GAS7: variants seen among roughly 807,000 people sequenced by gnomAD.
The protein encoded by GAS7 is growth arrest-specific protein 7.
GAS7 carries 28 observed loss-of-function variants against 71.1 expected under a neutral mutation model. That is an observed-to-expected ratio of 0.39 (90% CI 0.29 to 0.54). GAS7 has a LOEUF of 0.54. GAS7 is among the 20% of genes least tolerant of loss of function. The pLI, the probability that GAS7 is intolerant of heterozygous loss-of-function variation, is 0.62. For missense variants in GAS7, 436 were observed against 627.8 expected (o/e 0.69, Z 3.27); for synonymous variants, 258 against 245.8 (o/e 1.05, Z -0.46).
chr17:10,026,193 G>A lies in GAS7; in HGVS notation c.184-6296C>T. On this transcript the variant is annotated intron_variant, in intron 1 of 13. Coordinates refer to ENST00000432992, the MANE Select transcript of GAS7 (RefSeq NM_201433.2). This position sits in a 1 kb window ranked among gnomAD's most constrained non-coding sequence, Gnocchi z 4.5. ...GCAAACGCTACTCGCTGGTGTTAAT[G>A]GGTGGTCGTCAGACACTCGCTTTAG... The A allele has an allele frequency of 1.0e-6, 1 of 985,350 alleles. No homozygotes were observed. The highest frequency in any genetic ancestry group is 1.2e-6 in the Non-Finnish European group (1 of 829,882). 61.0% of individuals were successfully genotyped at this position (985,350 alleles called of 1,614,324 possible).
intron 1 of GAS7, among the ~76,000 whole-genome samples, chr17:10,072,908 A>T (rs2073356012): frequency 6.6e-6 from 1 of 152,134 alleles, no homozygotes; most frequent in South Asian, 2.1e-4. Flanking sequence ...AAAAGAAAAC[A>T]AAAACAAAAA....
chr17:9,954,966 G>C (rs148385932), intron 5 of GAS7, among the ~76,000 whole-genome samples: 1 of 152,148 alleles, frequency 6.6e-6, no homozygotes, highest in African/African-American at 2.4e-5. Flanking sequence ...CTGGAGCCTC[G>C]ATGTTTATTT....
intron 1 of GAS7, among the ~76,000 whole-genome samples, chr17:10,078,725 TA>T (rs2073423667): frequency 6.6e-6 from 1 of 152,040 alleles, no homozygotes; most frequent in South Asian, 2.1e-4. Flanking sequence ...AATTGGTAGG[TA>T]GGGGGATATA....
In GAS7 at chr17:9,916,875, G is replaced by A. The variant is rs907824601; in HGVS notation, c.*353C>T. On this transcript the variant is annotated 3_prime_UTR_variant, in exon 14 of 14. Coordinates refer to ENST00000432992, the MANE Select transcript of GAS7 (RefSeq NM_201433.2). ...CCTGGAGACAAGGGAGCCAGCTGGA[G>A]GAAGAGCCTTGGGGCTTCCAGGGCA... 6 of 450,576 alleles carry A rather than the reference G, an allele frequency of 1.3e-5. No homozygotes were observed. Among genetic ancestry groups the A allele is most frequent in the East Asian group, 9.4e-5 (3 of 31,814 alleles). 27.9% of individuals were successfully genotyped at this position (450,576 alleles called of 1,614,324 possible).
In GAS7 at chr17:9,927,016, A is replaced by G. The variant is rs932894395; in HGVS notation, c.886-247T>C. Reference sequence around the variant, plus strand: ...TACAGGATAAGTGGTTAGCAACTAGAGCCTTCTGATTTCCCCATCTGTTAA... The same window carrying G: ...TACAGGATAAGTGGTTAGCAACTAGGGCCTTCTGATTTCCCCATCTGTTAA... On this transcript the variant is annotated intron_variant, in intron 9 of 13. Transcript: ENST00000432992. 3.3e-5 allele frequency: 15 copies of G among 448,044 alleles called. No individual in the cohort carries two copies. The Admixed American group carries it at 4.7e-4, about 14-fold the overall frequency. The allele number at this position is 448,044 out of a possible 1,614,324, so 27.8% of individuals were successfully genotyped here.
chr17:10,127,771 G>A (rs888142675), intron 1 of GAS7, among the ~76,000 whole-genome samples: 39 of 152,156 alleles, frequency 2.6e-4, no homozygotes, highest in Non-Finnish European at 1.0e-4. Context: ...GCTCCAACCA[G>A]GCGAAGTGGA....
In GAS7 at chr17:9,969,964, C is replaced by T. The variant is rs575863122; in HGVS notation, c.386-202G>A. On this transcript the variant is annotated intron_variant, in intron 3 of 13. Transcript: ENST00000432992. The surrounding 1 kb of genome is among the most constrained non-coding windows in gnomAD (Gnocchi z 5.5). ...AAGGCATCTCTCTAATCCTCAGCAC[C>T]CAAATTACTGAATTCTTAGGGGACT... is the stretch of plus-strand genomic sequence containing the variant. Among the ~76,000 whole-genome samples, 21 of 152,166 alleles carry T rather than the reference C, an allele frequency of 1.4e-4. No individual in the cohort carries two copies. Among genetic ancestry groups the T allele is most frequent in the Non-Finnish European group, 2.6e-4 (18 of 68,034 alleles).
At chr17:10,115,038 G>GTCTGT (rs1567597884) in intron 1 of GAS7, among the ~76,000 whole-genome samples, 1 of 151,344 alleles carries the variant, frequency 6.6e-6, no homozygotes, top group African/African-American at 2.4e-5. Flanking sequence ...TGTCTGTCTG[G>GTCTGT]CTGGCTGGCT....
At chr17:10,183,699 G>A (rs1351104621) in intron 1 of GAS7, among the ~76,000 whole-genome samples, 2 of 152,146 alleles carry the variant, frequency 1.3e-5, no homozygotes, top group South Asian at 2.1e-4. Flanking sequence ...AAAATTAGCC[G>A]GGCGTGGTGG....
chr17:10,035,586 T>C (rs2072729115), intron 1 of GAS7, among the ~76,000 whole-genome samples: 1 of 152,028 alleles, frequency 6.6e-6, no homozygotes, highest in South Asian at 2.1e-4. Flanking sequence ...GGAGAGCATA[T>C]CCTGGAGGGA....
At chr17:10,077,110 A>G (rs1034866784) in intron 1 of GAS7, among the ~76,000 whole-genome samples, 1 of 152,188 alleles carries the variant, frequency 6.6e-6, no homozygotes, top group Non-Finnish European at 1.5e-5. Context: ...AATAAAATTT[A>G]TATACTTTTC....
At chr17:10,004,193 C>T (rs1172865502) in intron 2 of GAS7, among the ~76,000 whole-genome samples, 1 of 152,158 alleles carries the variant, frequency 6.6e-6, no homozygotes, top group Admixed American at 6.5e-5. Flanking sequence ...TCTTTGCAAA[C>T]AAGAAGCCAT....
chr17:10,111,405 C>T (rs957454678), intron 1 of GAS7, among the ~76,000 whole-genome samples: 3 of 152,132 alleles, frequency 2.0e-5, no homozygotes, highest in African/African-American at 7.2e-5. Flanking sequence ...TGGTGTCGTG[C>T]ACCTGTAGTC....
At chr17:10,131,609 G>A (rs543719421) in intron 1 of GAS7, among the ~76,000 whole-genome samples, 58 of 152,280 alleles carry the variant, frequency 3.8e-4, no homozygotes, top group Non-Finnish European at 7.2e-4. Context: ...ACAACAGAGC[G>A]AGACTCTGTC....
chr17:10,032,808 G>T (rs2072653611), intron 1 of GAS7, among the ~76,000 whole-genome samples: 1 of 152,206 alleles, frequency 6.6e-6, no homozygotes, highest in South Asian at 2.1e-4. Context: ...TTTTGGTCTA[G>T]ATACCCTTTC....
intron 1 of GAS7, among the ~76,000 whole-genome samples, chr17:10,175,095 C>T (rs2074363524): frequency 6.6e-6 from 1 of 152,034 alleles, no homozygotes; most frequent in Non-Finnish European, 1.5e-5. Context: ...ATGCTCCTGC[C>T]TCGGCCTCCC....
intron 5 of GAS7, among the ~76,000 whole-genome samples, chr17:9,952,340 C>T (rs2069054360): frequency 6.6e-6 from 1 of 152,160 alleles, no homozygotes; most frequent in African/African-American, 2.4e-5. Context: ...AGCCACAGAG[C>T]CCTGCTCTTA....
At chr17:10,022,945 G>T (rs1004564433) in intron 1 of GAS7, among the ~76,000 whole-genome samples, 1 of 152,218 alleles carries the variant, frequency 6.6e-6, no homozygotes, top group Admixed American at 6.5e-5. Flanking sequence ...CCTTACAGGA[G>T]CTGGAGAGCC....
intron 1 of GAS7, among the ~76,000 whole-genome samples, chr17:10,087,377 G>A (rs2073530723): frequency 6.6e-6 from 1 of 152,248 alleles, no homozygotes; most frequent in African/African-American, 2.4e-5. Flanking sequence ...GCCTTCCTTA[G>A]GTGGGAGTAT....
Sources: gnomAD v4.1 joint callset for allele counts (sites outside exome capture counted in the v4.1 genomes callset) on GRCh38, gnomAD v4.1.1 for gene constraint, Gnocchi (gnomAD v3.1) non-coding constraint, MANE v1.5 for transcripts, NCBI Gene and HGNC (gene_info 2026-07-23, HGNC 2026-07-21) for gene names.